Variants in GBF1 observed in about 807,000 individuals in gnomAD.
GBF1 encodes the protein golgi brefeldin A resistant guanine nucleotide exchange factor 1, also known as Golgi-specific brefeldin A-resistance guanine nucleotide exchange factor 1.
A neutral mutation model predicts 210.5 loss-of-function variants in GBF1; 114 were observed. The observed-to-expected ratio is 0.54, with a 90% CI of 0.47 to 0.63. GBF1 has a LOEUF of 0.63. Ranked by LOEUF, GBF1 falls within the 30% of genes least tolerant of loss-of-function variation. The pLI, the probability that GBF1 is intolerant of heterozygous loss-of-function variation, is 0.00. For missense variants in GBF1, 1,851 were observed against 2,357.7 expected (o/e 0.79, Z 4.45); for synonymous variants, 850 against 889.2 (o/e 0.96, Z 0.78).
intron 4 of GBF1, 37 bp from the exon 5 acceptor site, chr10:102,351,219 T>A: frequency 8.8e-7 from 1 of 1,137,922 alleles, no homozygotes; most frequent in Non-Finnish European, 1.3e-6. Context: ...CTCTCTCCTC[T>A]CCACATCACT....
At chr10:102,360,992 ACTC>A (rs1245579112) in intron 12 of GBF1, 27 bp from the exon 13 acceptor site, 21 of 1,157,564 alleles carry the variant, frequency 1.8e-5, no homozygotes, top group South Asian at 7.9e-5. Flanking sequence ...AAAAAAAAAA[ACTC>A]ATGGCCTACC....
chr10:102,245,371 T>C (rs2070712564), upstream of GBF1, among the ~76,000 whole-genome samples: 1 of 152,182 alleles, frequency 6.6e-6, no homozygotes. Context: ...TACCCTTTCT[T>C]TCCCTTGTAA....
At chr10:102,337,833 G>T (rs1318601022) in intron 3 of GBF1, among the ~76,000 whole-genome samples, 1 of 151,996 alleles carries the variant, frequency 6.6e-6, no homozygotes, top group Non-Finnish European at 1.5e-5. Context: ...CTCCAGCCTG[G>T]GTGACAGAGC....
chr10:102,276,262 C>T (rs1589451503), intron 3 of GBF1, among the ~76,000 whole-genome samples: 1 of 150,218 alleles, frequency 6.7e-6, no homozygotes, highest in Non-Finnish European at 1.5e-5. Flanking sequence ...CGCGGTGGCT[C>T]ATGCCTGTAA....
At chr10:102,371,547 G>C (rs568516460) in intron 29 of GBF1, among the ~76,000 whole-genome samples, 1 of 152,164 alleles carries the variant, frequency 6.6e-6, no homozygotes, top group Non-Finnish European at 1.5e-5. Flanking sequence ...TCCCAGAAAG[G>C]TTCTTGTAGA....
intron 4 of GBF1, among the ~76,000 whole-genome samples, chr10:102,345,312 G>T (rs548787232): frequency 2.0e-5 from 3 of 150,156 alleles, no homozygotes; most frequent in East Asian, 3.9e-4. Context: ...AGAATAAAAT[G>T]AAATAAAAAT....
intron 1 of GBF1, 57 bp from the exon 2 acceptor site, chr10:102,258,872 G>A (rs1398224815): frequency 7.1e-6 from 6 of 845,052 alleles, no homozygotes; most frequent in Non-Finnish European, 1.0e-5. Flanking sequence ...TTTTAAACTT[G>A]GGTATGCTTT....
intron 3 of GBF1, among the ~76,000 whole-genome samples, chr10:102,286,085 A>G (rs1327953387): frequency 6.6e-6 from 1 of 151,950 alleles, no homozygotes; most frequent in Non-Finnish European, 1.5e-5. Context: ...ATTCATCCTA[A>G]CCATTTGATC....
intron 3 of GBF1, among the ~76,000 whole-genome samples, chr10:102,282,847 G>A (rs1316880038): frequency 1.3e-5 from 2 of 152,192 alleles, no homozygotes; most frequent in African/African-American, 4.8e-5. Context: ...CTGGCTTGGA[G>A]TAAGGAGATT....
intron 3 of GBF1, among the ~76,000 whole-genome samples, chr10:102,264,345 T>C (rs1368093783): frequency 6.6e-6 from 1 of 152,212 alleles, no homozygotes; most frequent in Non-Finnish European, 1.5e-5. Context: ...TTTATGTCTC[T>C]CTCATTAACT....
chr10:102,381,754 G>A (rs778980133), intron 39 of GBF1, among the ~76,000 whole-genome samples: 14 of 149,322 alleles, frequency 9.4e-5, no homozygotes, highest in Non-Finnish European at 2.1e-4. Context: ...GAACCCGGGA[G>A]GCAGAGGTTG....
At chr10:102,275,693 C>T (rs1181220044) in intron 3 of GBF1, among the ~76,000 whole-genome samples, 1 of 152,106 alleles carries the variant, frequency 6.6e-6, no homozygotes, top group Non-Finnish European at 1.5e-5. Flanking sequence ...AATCTATATC[C>T]AAGTTACATT....
At chr10:102,258,111 A>G (rs2072665110) in intron 1 of GBF1, among the ~76,000 whole-genome samples, 1 of 150,872 alleles carries the variant, frequency 6.6e-6, no homozygotes, top group African/African-American at 2.4e-5. Context: ...AGTTGGATTC[A>G]TAACATAAGA....
intron 3 of GBF1, among the ~76,000 whole-genome samples, chr10:102,326,381 TGG>T (rs2056904892): frequency 1.3e-5 from 2 of 152,278 alleles, no homozygotes; most frequent in African/African-American, 4.8e-5. Flanking sequence ...GGCACTGAGG[TGG>T]CAGTTCAGCT....
intron 3 of GBF1, among the ~76,000 whole-genome samples, chr10:102,338,003 A>G: frequency 6.6e-6 from 1 of 152,156 alleles, no homozygotes; most frequent in Non-Finnish European, 1.5e-5. Context: ...CTAGAGAGCA[A>G]AACTCTTGTT....
the GBF1 span, among the ~76,000 whole-genome samples, chr10:102,238,198 G>A: frequency 5.9e-5 from 9 of 152,136 alleles, 1 homozygote; most frequent in Admixed American, 5.2e-4. Flanking sequence ...CCTGGCAGTG[G>A]CCATGGACAC....
intron 4 of GBF1, among the ~76,000 whole-genome samples, chr10:102,345,053 G>A (rs1321794662): frequency 6.6e-6 from 1 of 152,054 alleles, no homozygotes; most frequent in Non-Finnish European, 1.5e-5. Flanking sequence ...GGTGGCCAAG[G>A]CGGGTGGATC....
intron 6 of GBF1, 57 bp downstream of exon 6, chr10:102,352,008 A>G (rs1396258943): frequency 1.1e-6 from 1 of 943,130 alleles, no homozygotes; most frequent in African/African-American, 1.6e-5. Context: ...CTGAGTATGA[A>G]TACAGGAGGC....
chr10:102,362,856 C>T (rs1184702116), intron 15 of GBF1, among the ~76,000 whole-genome samples, 192 bp downstream of exon 15: 1 of 152,202 alleles, frequency 6.6e-6, no homozygotes, highest in Non-Finnish European at 1.5e-5. Flanking sequence ...CTTTTTCCTC[C>T]TCCCCACTTT....
Sources: gnomAD v4.1 joint callset for allele counts (sites outside exome capture counted in the v4.1 genomes callset) on GRCh38, gnomAD v4.1.1 for gene constraint, MANE v1.5 for transcripts, NCBI Gene and HGNC (gene_info 2026-07-23, HGNC 2026-07-21) for gene names.